Variants in FMN2 observed in about 807,000 individuals in gnomAD.
FMN2 encodes the protein formin-2.
A neutral mutation model predicts 142.3 loss-of-function variants in FMN2; 51 were observed. The ratio of observed to expected loss-of-function variants is 0.36; its 90% CI spans 0.29 to 0.45. The LOEUF is 0.45. Ranked by LOEUF, FMN2 falls within the 20% of genes least tolerant of loss-of-function variation. The pLI is 1.00. For synonymous variants in FMN2, 882 were observed against 869.8 expected, an observed-to-expected ratio of 1.01 and a Z score of -0.25; for missense variants, 1,936 against 2,122.8, an observed-to-expected ratio of 0.91 and a Z score of 1.73.
intron 16 of FMN2, among the ~76,000 whole-genome samples, chr1:240,451,150 G>A (rs1196055012): frequency 6.6e-6 from 1 of 152,030 alleles, no homozygotes; most frequent in Non-Finnish European, 1.5e-5. Context: ...GGTGGATCAC[G>A]AGGTCAAGAG....
chr1:240,314,883 T>C (rs76680518), intron 8 of FMN2, among the ~76,000 whole-genome samples: 9,952 of 152,288 alleles, frequency 0.065, 411 homozygotes, highest in South Asian at 0.12. Context: ...TTTGTCTCTT[T>C]GAGAACATTA....
At chr1:240,283,837 C>T (rs1433829505) in intron 7 of FMN2, among the ~76,000 whole-genome samples, 2 of 152,126 alleles carry the variant, frequency 1.3e-5, no homozygotes, top group African/African-American at 4.8e-5. Flanking sequence ...AACAGCAGTT[C>T]GTCCACATTT....
intron 2 of FMN2, among the ~76,000 whole-genome samples, chr1:240,126,209 TA>T (rs1239424937): frequency 1.3e-5 from 2 of 152,160 alleles, no homozygotes; most frequent in Non-Finnish European, 2.9e-5. Context: ...TGTGCTTATC[TA>T]TGGGGAGAGA....
intron 2 of FMN2, among the ~76,000 whole-genome samples, chr1:240,174,319 G>C (rs1664826513): frequency 6.6e-6 from 1 of 152,164 alleles, no homozygotes; most frequent in Non-Finnish European, 1.5e-5. Context: ...GGCGGTGAAG[G>C]ATAGAGTGGA....
At chr1:240,158,106 A>G (rs1170531932) in intron 2 of FMN2, among the ~76,000 whole-genome samples, 5 of 152,022 alleles carry the variant, frequency 3.3e-5, no homozygotes, top group African/African-American at 1.2e-4. Context: ...TAATCCCCAT[A>G]AGATCCTACC....
chr1:240,302,189 T>G (rs1670224349), intron 8 of FMN2, among the ~76,000 whole-genome samples: 1 of 152,106 alleles, frequency 6.6e-6, no homozygotes, highest in Admixed American at 6.6e-5. Flanking sequence ...CCTAGAATTT[T>G]CATTAATAGT....
intron 8 of FMN2, among the ~76,000 whole-genome samples, chr1:240,306,897 C>T (rs1445420670): frequency 6.6e-6 from 1 of 152,202 alleles, no homozygotes; most frequent in Non-Finnish European, 1.5e-5. Context: ...GTCTTCACAA[C>T]CTCTGTAACA....
intron 15 of FMN2, among the ~76,000 whole-genome samples, chr1:240,404,317 A>G (rs1159172515): frequency 6.6e-6 from 1 of 152,224 alleles, no homozygotes; most frequent in Non-Finnish European, 1.5e-5. Flanking sequence ...TTAGTTCATA[A>G]TAGGCATATT....
Position 240,093,243 on chromosome 1 carries a change from G to A in FMN2, c.1134G>A (p.Leu378=), listed in dbSNP as rs2103159007. The stretch of plus-strand genomic sequence containing the variant: ...TGGGAGAGGACGCCCCGCAGAGGCT[G>A]GGGGAAGAGCCGGAGGAGGAGGCGC... ...PEVGEDAPQR[L]GEEPEEEAQG... The change falls in exon 1 of 18, where the codon CTG becomes CTA. Residue 378 remains leucine (L), a synonymous_variant. Coordinates refer to ENST00000319653, the MANE Select transcript of FMN2 (RefSeq NM_020066.5). 4 of 1,569,026 alleles carry A rather than the reference G, an allele frequency of 2.5e-6. No individual in the cohort carries two copies. In the Middle Eastern group the frequency reaches 5.1e-4, roughly 202 times the overall value.
intron 14 of FMN2, among the ~76,000 whole-genome samples, chr1:240,359,394 C>T (rs1297626026): frequency 1.3e-5 from 2 of 152,068 alleles, no homozygotes; most frequent in South Asian, 2.1e-4. Context: ...GTGCCTCATC[C>T]TCAAAATATA....
At chr1:240,201,209 C>T (rs1400515621) in intron 4 of FMN2, among the ~76,000 whole-genome samples, 1 of 152,166 alleles carries the variant, frequency 6.6e-6, no homozygotes. Flanking sequence ...AACCCCAAAT[C>T]CCTCTCCTTT....
At chr1:240,362,808 C>G (rs935581725) in intron 14 of FMN2, among the ~76,000 whole-genome samples, 1 of 152,132 alleles carries the variant, frequency 6.6e-6, no homozygotes, top group Non-Finnish European at 1.5e-5. Context: ...GGGGCTCTCT[C>G]CATGCTTTTA....
intron 8 of FMN2, among the ~76,000 whole-genome samples, chr1:240,300,609 C>T (rs12094105): frequency 1.3e-5 from 2 of 152,194 alleles, no homozygotes; most frequent in Admixed American, 1.3e-4. Context: ...CCCATCAAAC[C>T]GAAATGAAAA....
At chr1:240,439,971 A>G (rs533281593) in intron 16 of FMN2, among the ~76,000 whole-genome samples, 1 of 152,274 alleles carries the variant, frequency 6.6e-6, no homozygotes, top group East Asian at 1.9e-4. Flanking sequence ...TCAAAATGAA[A>G]AGAGTCGTGT....
chr1:240,173,866 A>G (rs1664806523), intron 2 of FMN2, among the ~76,000 whole-genome samples: 1 of 152,204 alleles, frequency 6.6e-6, no homozygotes, highest in South Asian at 2.1e-4. Context: ...TGCTTTTAGC[A>G]TGCTTTGTAT....
intron 15 of FMN2, among the ~76,000 whole-genome samples, chr1:240,396,302 TCGTG>T (rs1558470031): frequency 1.9e-5 from 2 of 105,062 alleles, no homozygotes; most frequent in African/African-American, 8.8e-5. Flanking sequence ...TCCGAGGTTT[TCGTG>T]TGTGTGTGTG....
At chr1:240,385,714 C>T (rs1472994168) in intron 14 of FMN2, among the ~76,000 whole-genome samples, 1 of 152,150 alleles carries the variant, frequency 6.6e-6, no homozygotes, top group African/African-American at 2.4e-5. Flanking sequence ...ATACGTACAT[C>T]AGGCTGGGTG....
At chr1:240,457,855 A>G (rs1363875897) in intron 16 of FMN2, 8 of 152,344 alleles carry the variant, frequency 5.3e-5, no homozygotes, top group African/African-American at 1.9e-4. Flanking sequence ...CTAGTGGGCC[A>G]AGTGAGGTCA....
chr1:240,399,739 T>C (rs1194882898), intron 15 of FMN2, among the ~76,000 whole-genome samples: 1 of 152,090 alleles, frequency 6.6e-6, no homozygotes, highest in East Asian at 1.9e-4. Flanking sequence ...AGCTCAGGTG[T>C]AGCCAACCGA....
Sources: gnomAD v4.1 joint callset for allele counts (sites outside exome capture counted in the v4.1 genomes callset) on GRCh38, gnomAD v4.1.1 for gene constraint, MANE v1.5 for transcripts, NCBI Gene and HGNC (gene_info 2026-07-23, HGNC 2026-07-21) for gene names.